The following TENM4 variants were observed in gnomAD, a reference collection of about 807,000 sequenced individuals.
The protein encoded by TENM4 is teneurin-4.
A neutral mutation model predicts 243.3 loss-of-function variants in TENM4; 82 were observed. That is an observed-to-expected ratio of 0.34 (90% confidence interval 0.28 to 0.40). TENM4 has a LOEUF of 0.40. Ranked by LOEUF, TENM4 falls within the 10% of genes least tolerant of loss-of-function variation. The pLI, the probability that TENM4 is intolerant of heterozygous loss-of-function variation, is 1.00. For missense variants in TENM4, 3,138 were observed against 3,673.3 expected, an observed-to-expected ratio of 0.85 and a Z score of 3.77; for synonymous variants, 1,412 against 1,456.3, an observed-to-expected ratio of 0.97 and a Z score of 0.69.
At chr11:79,434,601 AT>A (rs1476353229) in intron 1 of TENM4, among the ~76,000 whole-genome samples, 1 of 152,248 alleles carries the variant, frequency 6.6e-6, no homozygotes, top group Non-Finnish European at 1.5e-5. Flanking sequence ...TGGAAAAAGA[AT>A]TTGTGTATCA....
chr11:78,698,675 G>GT (rs919703633), intron 28 of TENM4, among the ~76,000 whole-genome samples: 6 of 152,206 alleles, frequency 3.9e-5, no homozygotes, highest in Non-Finnish European at 5.9e-5. Context: ...AGTTTGCAAA[G>GT]TTTTTTTACT....
chr11:78,884,077 A>G (rs1263166012), intron 9 of TENM4, among the ~76,000 whole-genome samples: 1 of 152,226 alleles, frequency 6.6e-6, no homozygotes, highest in Non-Finnish European at 1.5e-5. Context: ...TCAGGGAGTG[A>G]GCTAGGTACT....
At chr11:79,157,267 A>C (rs1000678052) in intron 3 of TENM4, among the ~76,000 whole-genome samples, 2 of 152,138 alleles carry the variant, frequency 1.3e-5, no homozygotes, top group Non-Finnish European at 2.9e-5. Flanking sequence ...TCTGTCCTGG[A>C]CACCCAGAGA....
At chr11:79,146,921 C>G (rs1862404656) in intron 4 of TENM4, among the ~76,000 whole-genome samples, 1 of 152,118 alleles carries the variant, frequency 6.6e-6, no homozygotes, top group Non-Finnish European at 1.5e-5. Flanking sequence ...CAGCCAGTCA[C>G]TGGATAAAGA....
intron 3 of TENM4, among the ~76,000 whole-genome samples, chr11:79,204,728 T>C (rs1863814490): frequency 1.3e-5 from 2 of 152,178 alleles, no homozygotes; most frequent in South Asian, 4.1e-4. Context: ...AGCCATCCTA[T>C]GCGCTCCTAG....
chr11:78,993,443 T>C (rs1858093801), intron 6 of TENM4, among the ~76,000 whole-genome samples: 1 of 152,254 alleles, frequency 6.6e-6, no homozygotes, highest in Admixed American at 6.5e-5. Flanking sequence ...AAATCTCAGC[T>C]ATTATTTTTA....
chr11:78,775,484 A>G (rs938433647), intron 17 of TENM4, among the ~76,000 whole-genome samples: 53 of 152,242 alleles, frequency 3.5e-4, no homozygotes, highest in Non-Finnish European at 1.0e-4. Context: ...AAATGGACCA[A>G]GTGATACCCT....
chr11:78,800,745 G>GAGAGAGAGAGAGAGAGAGATTGATTAGA (rs1857265933), intron 15 of TENM4, among the ~76,000 whole-genome samples: 1 of 151,838 alleles, frequency 6.6e-6, no homozygotes, highest in African/African-American at 2.4e-5. Flanking sequence ...GGGAGAGAGA[G>GAGAGAGAGAGAGAGAGAGATTGATTAGA]AGAGAGAGAG....
intron 1 of TENM4, among the ~76,000 whole-genome samples, chr11:79,352,363 C>T (rs571671174): frequency 3.3e-5 from 5 of 152,298 alleles, no homozygotes; most frequent in South Asian, 2.1e-4. Flanking sequence ...AGACCACAAC[C>T]GTCTAGAGCC....
At chr11:79,130,392 C>G (rs1861977483) in intron 4 of TENM4, among the ~76,000 whole-genome samples, 1 of 151,964 alleles carries the variant, frequency 6.6e-6, no homozygotes, top group South Asian at 2.1e-4. Flanking sequence ...GAAGAAATCC[C>G]TGATGTACCT....
chr11:78,992,330 C>T (rs1326508857), intron 6 of TENM4, among the ~76,000 whole-genome samples: 1 of 152,226 alleles, frequency 6.6e-6, no homozygotes, highest in Non-Finnish European at 1.5e-5. Flanking sequence ...TCAGGCATGA[C>T]CTCTTCCGGG....
At chr11:79,433,868 C>T (rs1314038108) in intron 1 of TENM4, among the ~76,000 whole-genome samples, 2 of 152,186 alleles carry the variant, frequency 1.3e-5, no homozygotes, top group East Asian at 3.8e-4. Context: ...GCATCTAAAC[C>T]GTTGTCTGAA....
chr11:79,070,445 A>G (rs1217837422), intron 4 of TENM4, among the ~76,000 whole-genome samples: 4 of 152,304 alleles, frequency 2.6e-5, no homozygotes, highest in African/African-American at 4.8e-5. Context: ...AGCACTTTGC[A>G]TATATTATCT....
intron 19 of TENM4, among the ~76,000 whole-genome samples, chr11:78,743,771 T>C (rs1428078395): frequency 6.6e-6 from 1 of 152,188 alleles, no homozygotes; most frequent in Non-Finnish European, 1.5e-5. Context: ...TCAATGTATA[T>C]TATACAAGCA....
intron 4 of TENM4, among the ~76,000 whole-genome samples, chr11:79,122,869 T>C (rs1442276808): frequency 6.6e-6 from 1 of 152,222 alleles, no homozygotes; most frequent in Admixed American, 6.5e-5. Context: ...TTCTGGAAAG[T>C]ACAGCAACTG....
At chr11:79,212,083 T>A (rs1456531848) in intron 3 of TENM4, among the ~76,000 whole-genome samples, 1 of 152,266 alleles carries the variant, frequency 6.6e-6, no homozygotes, top group Non-Finnish European at 1.5e-5. Context: ...ACTCAGTCTC[T>A]CTGTGCCTTG....
intron 6 of TENM4, among the ~76,000 whole-genome samples, chr11:78,933,659 G>A (rs1856719208): frequency 6.6e-6 from 1 of 152,160 alleles, no homozygotes. Context: ...AAGCGTTCAG[G>A]AGGCCAAGGA....
chr11:79,160,254 G>A (rs1363049713), intron 3 of TENM4, among the ~76,000 whole-genome samples: 3 of 152,074 alleles, frequency 2.0e-5, no homozygotes, highest in Non-Finnish European at 4.4e-5. Flanking sequence ...GGTGTGCAGG[G>A]GATATGCTTT....
At chr11:79,047,408 C>G (rs1859683659) in intron 6 of TENM4, among the ~76,000 whole-genome samples, 1 of 152,168 alleles carries the variant, frequency 6.6e-6, no homozygotes, top group East Asian at 1.9e-4. Flanking sequence ...ATTAATTAGC[C>G]AGCTGTGCAG....
Sources: allele counts gnomAD v4.1 joint callset (sites outside exome capture counted in the v4.1 genomes callset), GRCh38; gene constraint gnomAD v4.1.1; transcripts MANE v1.5; gene names NCBI Gene and HGNC (gene_info 2026-07-23, HGNC 2026-07-21).